The following PLEKHG6 variants were observed in gnomAD, a reference collection of about 807,000 sequenced individuals.
PLEKHG6 encodes pleckstrin homology and RhoGEF domain containing G6, also known as pleckstrin homology domain-containing family G member 6.
In PLEKHG6, 91 loss-of-function variants were observed where a neutral mutation model predicts 97.5. The ratio of observed to expected loss-of-function variants is 0.93; its 90% CI spans 0.79 to 1.11. The LOEUF (loss-of-function observed/expected upper bound fraction) is 1.11, where lower values mean the gene tolerates loss of function less well. Ranked by LOEUF, PLEKHG6 falls within the 50% of genes most tolerant of loss-of-function variation. The pLI is 0.00. For synonymous variants in PLEKHG6, 466 were observed against 425.5 expected (o/e 1.10, Z -1.17); for missense variants, 1,044 against 1,031.0 (o/e 1.01, Z -0.17).
At chr12:6,314,942 C>T (rs1256181719) in intron 3 of PLEKHG6, 63 bp from the exon 4 acceptor site, 47 of 1,520,676 alleles carry the variant, frequency 3.1e-5, no homozygotes, top group South Asian at 7.0e-5. Flanking sequence ...ACAGCCCTCC[C>T]GGGGCCCTGT....
chr12:6,311,144 A>C (rs984918640), intron 1 of PLEKHG6: 5 of 152,182 alleles, frequency 3.3e-5, no homozygotes, highest in Admixed American at 6.5e-5. Context: ...CGGGGCACAA[A>C]CACCTGCGCA....
intron 3 of PLEKHG6, 151 bp from the exon 4 acceptor site, chr12:6,314,854 C>G (rs1163777284): frequency 7.1e-6 from 5 of 704,644 alleles, no homozygotes; most frequent in South Asian, 1.9e-5. Context: ...CATGTCCCCA[C>G]TCATACTCAG....
At chr12:6,319,649 G>A (rs1425452752) in intron 13 of PLEKHG6, 2 of 1,535,958 alleles carry the variant, frequency 1.3e-6, no homozygotes, top group Non-Finnish European at 1.7e-6. Flanking sequence ...CACTGGGAGA[G>A]CCCAAGATAC....
rs1947563090 is a variant in PLEKHG6 at position 6,318,337 on chromosome 12, C to G, written c.1192C>G (p.Pro398Ala). The G allele has an allele frequency of 1.2e-6, 2 of 1,614,084 alleles. No individual in the cohort carries two copies. The highest frequency in any genetic ancestry group is 1.7e-6 in the Non-Finnish European group (2 of 1,179,994). Reference protein sequence around the residue: ...RPFSTLDLTSPMLGVASEHTR... With the variant: ...RPFSTLDLTSAMLGVASEHTR... ...ATTCTCCACCCTGGACCTGACGTCC[C>G]CCATGCTGGGGGTTGCATCTGAGCA... Residue 398 changes from proline (P) to alanine (A), a missense_variant, in exon 11 of 16, where the codon CCC becomes GCC. Transcript: ENST00000684764.
At position 6,318,433 on chromosome 12, in the gene PLEKHG6, C is replaced by T. The variant is rs78920111; in HGVS notation, c.1275+13C>T. ...ACGAGAAGGGAAGGTGAGGGTGCTGCGGACAGAGTGGAGGGGATGGGGCAC... is the reference window on the plus strand; with the variant it reads ...ACGAGAAGGGAAGGTGAGGGTGCTGTGGACAGAGTGGAGGGGATGGGGCAC... On this transcript the variant is annotated intron_variant, in intron 11 of 15. Coordinates refer to ENST00000684764, the MANE Select transcript of PLEKHG6 (RefSeq NM_001384598.1). The T allele has an allele frequency of 7.3e-4, 1,168 of 1,598,220 alleles. 9 individuals carry two copies. In the East Asian group the frequency reaches 0.024, roughly 33 times the overall value.
At chr12:6,321,861 G>A (rs979690898) in intron 13 of PLEKHG6, among the ~76,000 whole-genome samples, 1 of 150,106 alleles carries the variant, frequency 6.7e-6, no homozygotes, top group Non-Finnish European at 1.5e-5. Context: ...AAGAGAAGGG[G>A]GAGCCTTAGG....
chr12:6,326,761 G>A (rs1051544714), intron 14 of PLEKHG6, among the ~76,000 whole-genome samples, 188 bp downstream of exon 14: 1 of 152,234 alleles, frequency 6.6e-6, no homozygotes, highest in East Asian at 1.9e-4. Context: ...TGTTGGGTTG[G>A]AGGTGGGGGA....
chr12:6,318,499 A>T, intron 11 of PLEKHG6, 79 bp downstream of exon 11: 1 of 1,500,920 alleles, frequency 6.7e-7, no homozygotes, highest in African/African-American at 1.4e-5. Context: ...GAAGTGGGAG[A>T]AGAGGGGTTT....
chr12:6,313,052 G>A (rs1240310435), intron 2 of PLEKHG6: 11 of 1,512,790 alleles, frequency 7.3e-6, no homozygotes, highest in Non-Finnish European at 9.8e-6. Context: ...CAGGCCACAG[G>A]CAAATGAAGG....
At chr12:6,319,492 G>A in intron 13 of PLEKHG6, 1 of 1,453,014 alleles carries the variant, frequency 6.9e-7, no homozygotes, top group Non-Finnish European at 9.1e-7. Flanking sequence ...AGGAACGAAT[G>A]AACATGGGAG....
chr12:6,317,792 G>T, intron 9 of PLEKHG6, 65 bp from the exon 10 acceptor site: 1 of 1,547,684 alleles, frequency 6.5e-7, no homozygotes, highest in Non-Finnish European at 8.7e-7. Flanking sequence ...GCTGTGCTGT[G>T]GCTGGCATTG....
chr12:6,327,732 GAA>G lies in PLEKHG6; in HGVS notation c.2150_2151del (p.Glu717GlyfsTer19). 1.9e-6 allele frequency: 3 copies of G among 1,553,522 alleles called. No homozygotes were observed. Among genetic ancestry groups the G allele is most frequent in the Non-Finnish European group, 2.6e-6 (3 of 1,152,772 alleles). ...CTGGGAGTCCTCAGGGGAGGAGGAA[GAA>G]GAGGGGCCTCTGTTCCTGAAAGCTG... is the stretch of plus-strand genomic sequence containing the variant. ...SPWESSGEEEEEGPLFLKAGH... is the reference protein window; with the variant it reads ...SPWESSGEEEXEGPLFLKAGH... On this transcript the variant is annotated frameshift_variant, in exon 15 of 16. Transcript: ENST00000684764. LOFTEE classifies it high-confidence loss of function.
In PLEKHG6 at chr12:6,312,363, TG is replaced by T; in HGVS notation, c.138+1del. The T allele has an allele frequency of 6.3e-7, 1 of 1,583,490 alleles. No individual in the cohort carries two copies. On this transcript the variant is annotated frameshift_variant and splice_region_variant, in exon 2 of 16. Transcript: ENST00000684764. LOFTEE classifies it high-confidence loss of function. The stretch of plus-strand genomic sequence containing the variant: ...CTCTATCCCCGAGGATACCCTGTGC[TG>T]GTGAGTCCAGGCTGTGCCCCAAAAG... ...GRLYPRGYPVLDPSRRRLQQY... is the reference protein window; with the variant it reads ...GRLYPRGYPVXDPSRRRLQQY...
At position 6,313,028 on chromosome 12, in the gene PLEKHG6, T is replaced by C. The variant is rs1947327037; in HGVS notation, c.139-601T>C. On this transcript the variant is annotated intron_variant, in intron 2 of 15. Coordinates refer to ENST00000684764, the MANE Select transcript of PLEKHG6 (RefSeq NM_001384598.1). Reference sequence around the variant, plus strand: ...GTGGGTGAGAAGGGAGACTAGAAAGTATGTGGGGTAATTCAGGCCACAGGC... The same window carrying C: ...GTGGGTGAGAAGGGAGACTAGAAAGCATGTGGGGTAATTCAGGCCACAGGC... The C allele has an allele frequency of 8.1e-6, 12 of 1,490,078 alleles. No homozygotes were observed. In the East Asian group the frequency reaches 3.0e-4, roughly 37 times the overall value. The allele number at this position is 1,490,078 out of a possible 1,614,324, so 92.3% of individuals were successfully genotyped here.
At chr12:6,327,108 A>C in intron 14 of PLEKHG6, 146 bp from the exon 15 acceptor site, 1 of 615,254 alleles carries the variant, frequency 1.6e-6, no homozygotes, top group Non-Finnish European at 2.9e-6. Context: ...CTAGCCAGCC[A>C]GATGAGAAAA....
At position 6,327,438 on chromosome 12, in the gene PLEKHG6, C is replaced by T. The variant is rs769527842; in HGVS notation, c.1855C>T (p.Leu619Phe). 1 of 1,613,716 alleles carries T rather than the reference C, an allele frequency of 6.2e-7. No homozygotes were observed. Among genetic ancestry groups the T allele is most frequent in the African/African-American group, 1.3e-5 (1 of 74,946 alleles). The part of the protein sequence containing the change: ...RQRALRRDPR[L>F]TFSTLELRDI... ...AAGAGCCCTTCGGCGGGACCCTCGC[C>T]TCACCTTCTCCACCCTGGAACTCCG... The change falls in exon 15 of 16, where the codon CTC becomes TTC. Residue 619 changes from leucine (L) to phenylalanine (F), a missense_variant. By Grantham distance (22) the Leu-to-Phe change is conservative. Coordinates refer to ENST00000684764, the MANE Select transcript of PLEKHG6 (RefSeq NM_001384598.1).
chr12:6,325,622 C>A (rs763722875), intron 13 of PLEKHG6, among the ~76,000 whole-genome samples: 2 of 152,180 alleles, frequency 1.3e-5, no homozygotes, highest in African/African-American at 4.8e-5. Context: ...CACGTTCTGC[C>A]CTCCTGCTCC....
chr12:6,321,776 G>A (rs4764577), intron 13 of PLEKHG6, among the ~76,000 whole-genome samples: 1 of 145,794 alleles, frequency 6.9e-6, no homozygotes, highest in South Asian at 2.2e-4. Flanking sequence ...GCAGTGAGCC[G>A]AGATCGCGCC....
chr12:6,311,257 C>T (rs1166235286), intron 1 of PLEKHG6, among the ~76,000 whole-genome samples: 4 of 152,136 alleles, frequency 2.6e-5, no homozygotes, highest in African/African-American at 9.7e-5. Context: ...GGATGGAGCC[C>T]CACGCCTGGC....
Sources: allele counts gnomAD v4.1 joint callset (sites outside exome capture counted in the v4.1 genomes callset), GRCh38; gene constraint gnomAD v4.1.1; transcripts MANE v1.5; gene names NCBI Gene and HGNC (gene_info 2026-07-23, HGNC 2026-07-21).